RIPOR2: variants seen among roughly 807,000 people sequenced by gnomAD.
RIPOR2 encodes the protein RHO family interacting cell polarization regulator 2.
RIPOR2 carries 39 observed loss-of-function variants against 114.5 expected under a neutral mutation model. That is an observed-to-expected ratio of 0.34 (90% CI 0.26 to 0.44). The LOEUF (loss-of-function observed/expected upper bound fraction) is 0.44. Among genes scored for constraint, RIPOR2 ranks in the 20% least tolerant of loss-of-function variants. The pLI, the probability that RIPOR2 is intolerant of heterozygous loss-of-function variation, is 1.00. For missense variants in RIPOR2, 1,007 were observed against 1,255.1 expected, an observed-to-expected ratio of 0.80 and a Z score of 2.99; for synonymous variants, 445 against 484.4, an observed-to-expected ratio of 0.92 and a Z score of 1.07.
At chr6:24,879,523 A>G (rs1413820288) in intron 1 of RIPOR2, among the ~76,000 whole-genome samples, 1 of 152,238 alleles carries the variant, frequency 6.6e-6, no homozygotes, top group East Asian at 1.9e-4. Flanking sequence ...CTATCTTGCC[A>G]TCATTTCCCC....
At chr6:24,913,578 C>G (rs1282070342) in intron 1 of RIPOR2, among the ~76,000 whole-genome samples, 1 of 152,128 alleles carries the variant, frequency 6.6e-6, no homozygotes, top group African/African-American at 2.4e-5. Context: ...ATTGCCTGGT[C>G]CAAATCCCAG....
intron 1 of RIPOR2, among the ~76,000 whole-genome samples, chr6:24,999,282 A>T (rs1425752308): frequency 6.6e-6 from 1 of 152,224 alleles, no homozygotes; most frequent in Non-Finnish European, 1.5e-5. Flanking sequence ...ATGCTCATTA[A>T]CATACAAATC....
intron 7 of RIPOR2, among the ~76,000 whole-genome samples, chr6:24,862,794 G>GA: frequency 9.5e-6 from 1 of 105,316 alleles, no homozygotes; most frequent in African/African-American, 3.5e-5. Flanking sequence ...TTCCTCCCCC[G>GA]ACCACTGGCA....
rs139644280 is a variant in RIPOR2 at position 24,978,895 on chromosome 6, C to G, written c.76+62956G>C. Among the ~76,000 whole-genome samples, 8 of 152,262 alleles carry G rather than the reference C, an allele frequency of 5.3e-5. No homozygotes were observed. The East Asian group carries it at 9.6e-4, about 18-fold the overall frequency. ...TTCAAAGCCAAGTGAACACCTCAGGCCAAGATGTGAAAAGGTCCCAGAATG... is the reference window on the plus strand; with the variant it reads ...TTCAAAGCCAAGTGAACACCTCAGGGCAAGATGTGAAAAGGTCCCAGAATG... On this transcript the variant is annotated intron_variant, in intron 1 of 13. Transcript: ENST00000510784.
chr6:24,820,031 A>G (rs1759539455), intron 19 of RIPOR2, among the ~76,000 whole-genome samples: 1 of 151,520 alleles, frequency 6.6e-6, no homozygotes, highest in Non-Finnish European at 1.5e-5. Flanking sequence ...TTCTATTTTT[A>G]TTTATTTATT....
At chr6:24,936,220 T>C (rs1385318311), upstream of RIPOR2, among the ~76,000 whole-genome samples, 1 of 152,230 alleles carries the variant, frequency 6.6e-6, no homozygotes, top group Non-Finnish European at 1.5e-5. Context: ...AACTTTCATA[T>C]TTCCTTAAAG....
intron 8 of RIPOR2, 104 bp from the exon 9 acceptor site, chr6:24,852,722 TGC>T: frequency 1.2e-6 from 1 of 863,062 alleles, no homozygotes. Flanking sequence ...CAGAACTTTG[TGC>T]AAACTCACAT....
chr6:24,961,652 CAG>C, intron 1 of RIPOR2, among the ~76,000 whole-genome samples: 1 of 145,772 alleles, frequency 6.9e-6, no homozygotes, highest in East Asian at 2.0e-4. Context: ...TTTTTTGAGA[CAG>C]TCTCGCTCTG....
intron 19 of RIPOR2, among the ~76,000 whole-genome samples, chr6:24,821,265 C>T (rs1256190094): frequency 2.0e-5 from 3 of 150,834 alleles, no homozygotes; most frequent in Non-Finnish European, 4.4e-5. Context: ...TCACTGCAAC[C>T]TCTGCCTCCC....
chr6:24,809,629 T>G, intron 21 of RIPOR2, 88 bp downstream of exon 21: 1 of 892,638 alleles, frequency 1.1e-6, no homozygotes, highest in Admixed American at 2.1e-5. Context: ...AAACTTCTCC[T>G]TACTGGAGAA....
At chr6:24,954,492 G>C (rs1435994214) in intron 1 of RIPOR2, among the ~76,000 whole-genome samples, 1 of 123,400 alleles carries the variant, frequency 8.1e-6, no homozygotes, top group East Asian at 2.3e-4. Context: ...GTCTCACTCT[G>C]TTGCCCAGCT....
intron 1 of RIPOR2, among the ~76,000 whole-genome samples, chr6:25,002,404 T>C (rs1775362661): frequency 6.6e-6 from 1 of 152,248 alleles, no homozygotes; most frequent in Non-Finnish European, 1.5e-5. Context: ...AAATGGTATG[T>C]ATTTCTTCAT....
At chr6:24,959,554 CT>C (rs998449498) in intron 1 of RIPOR2, among the ~76,000 whole-genome samples, 7 of 152,098 alleles carry the variant, frequency 4.6e-5, no homozygotes, top group African/African-American at 1.5e-4. Flanking sequence ...GTAAAGACAG[CT>C]GCAGGCTGTT....
intron 1 of RIPOR2, among the ~76,000 whole-genome samples, chr6:24,988,482 T>A (rs901604536): frequency 6.6e-6 from 1 of 152,248 alleles, no homozygotes; most frequent in African/African-American, 2.4e-5. Context: ...CTATTGTGAA[T>A]AGCTTCTTAA....
intron 14 of RIPOR2, among the ~76,000 whole-genome samples, chr6:24,838,333 T>C (rs114652471): frequency 0.027 from 4,178 of 151,946 alleles, 202 homozygotes; most frequent in African/African-American, 0.091. Flanking sequence ...ACATGAAGGG[T>C]TGGGAAAGGG....
chr6:25,031,702 TA>T (rs1776955689), intron 1 of RIPOR2, among the ~76,000 whole-genome samples: 4 of 1,402 alleles, frequency 2.9e-3, no homozygotes, highest in South Asian at 0.036. Context: ...GTGGTAGTTA[TA>T]TATATATATA....
chr6:24,841,034 A>C (rs1457263898), intron 13 of RIPOR2, among the ~76,000 whole-genome samples: 1 of 152,192 alleles, frequency 6.6e-6, no homozygotes, highest in Non-Finnish European at 1.5e-5. Flanking sequence ...GGGGCAGTTG[A>C]GGATTTTAGT....
chr6:24,942,530 C>A (rs1772189784), intron 1 of RIPOR2, among the ~76,000 whole-genome samples: 1 of 152,216 alleles, frequency 6.6e-6, no homozygotes, highest in South Asian at 2.1e-4. Context: ...GTCCCACCAA[C>A]AGTGTAAAAG....
chr6:24,928,353 A>G (rs574628850), intron 1 of RIPOR2, among the ~76,000 whole-genome samples: 1 of 152,302 alleles, frequency 6.6e-6, no homozygotes, highest in South Asian at 2.1e-4. Flanking sequence ...CCATTCTACT[A>G]GTGTATTTTG....
Sources: allele counts gnomAD v4.1 joint callset (sites outside exome capture counted in the v4.1 genomes callset), GRCh38; gene constraint gnomAD v4.1.1; transcripts MANE v1.5; gene names NCBI Gene and HGNC (gene_info 2026-07-23, HGNC 2026-07-21).